POLR3B: variants seen among roughly 807,000 people sequenced by gnomAD.
POLR3B encodes DNA-directed RNA polymerase III subunit RPC2.
A neutral mutation model predicts 147.4 loss-of-function variants in POLR3B; 96 were observed. That is an observed-to-expected ratio of 0.65 (90% confidence interval 0.55 to 0.77). The LOEUF (loss-of-function observed/expected upper bound fraction) is 0.77. POLR3B is among the 30% of genes least tolerant of loss of function. The probability of loss-of-function intolerance (pLI) is 0.00; values close to 1 mark genes in which losing one functional copy is unlikely to be tolerated. For synonymous variants in POLR3B, 461 were observed against 485.9 expected (o/e 0.95, Z 0.67); for missense variants, 1,036 against 1,413.5 (o/e 0.73, Z 4.28).
At chr12:106,452,572 G>A (rs934074602) in intron 19 of POLR3B, among the ~76,000 whole-genome samples, 2 of 152,098 alleles carry the variant, frequency 1.3e-5, no homozygotes, top group African/African-American at 2.4e-5. Flanking sequence ...GCTGAGTAAG[G>A]TATACAATTG....
chr12:106,389,265 C>T (rs2036882630), intron 9 of POLR3B, among the ~76,000 whole-genome samples: 1 of 152,134 alleles, frequency 6.6e-6, no homozygotes, highest in Non-Finnish European at 1.5e-5. Context: ...ACTGAGTTAT[C>T]GCCCCTGTAT....
intron 25 of POLR3B, among the ~76,000 whole-genome samples, chr12:106,499,486 A>G (rs1253831261): frequency 6.6e-6 from 1 of 152,202 alleles, no homozygotes; most frequent in Non-Finnish European, 1.5e-5. Flanking sequence ...ATTTAAATAT[A>G]TCACCACCAG....
intron 10 of POLR3B, among the ~76,000 whole-genome samples, chr12:106,402,170 A>G (rs944586438): frequency 6.6e-6 from 1 of 152,154 alleles, no homozygotes; most frequent in Non-Finnish European, 1.5e-5. Flanking sequence ...CACCAATAAC[A>G]GACAAACAGA....
chr12:106,434,005 A>G, intron 16 of POLR3B, 133 bp downstream of exon 16: 1 of 742,608 alleles, frequency 1.3e-6, no homozygotes, highest in Non-Finnish European at 2.2e-6. Flanking sequence ...TTCCGTGAGC[A>G]AACACTTCAT....
intron 23 of POLR3B, among the ~76,000 whole-genome samples, chr12:106,482,657 T>C (rs1365494372): frequency 6.6e-6 from 1 of 152,112 alleles, no homozygotes; most frequent in Non-Finnish European, 1.5e-5. Flanking sequence ...TGACACGAGA[T>C]TTGGGTGGGG....
rs1319955334 is a variant in POLR3B at position 106,369,275 on chromosome 12, A to G, written c.228A>G (p.Lys76=). ...TSDADPMWYL[K]YLNIYVGLPD... ...CATACCGCACTAATTTGCTTTTCAG[A>G]TATCTTAATATCTATGTTGGGCTTC... Residue 76 remains lysine, a splice_region_variant and synonymous_variant, in exon 5 of 28, where the codon AAA becomes AAG. Transcript: ENST00000228347. 1.3e-6 allele frequency: 2 copies of G among 1,561,664 alleles called. No homozygotes were observed. The highest frequency in any genetic ancestry group is 1.8e-6 in the Non-Finnish European group (2 of 1,132,226).
intron 23 of POLR3B, among the ~76,000 whole-genome samples, chr12:106,476,740 G>A (rs1352315561): frequency 1.3e-5 from 2 of 151,404 alleles, no homozygotes; most frequent in East Asian, 3.9e-4. Flanking sequence ...GCACTTCTCT[G>A]TATTGGTTAT....
At chr12:106,411,700 CGCTGATTG>C (rs2136938145) in intron 12 of POLR3B, among the ~76,000 whole-genome samples, 1 of 152,140 alleles carries the variant, frequency 6.6e-6, no homozygotes, top group South Asian at 2.1e-4. Context: ...GGAAACAATC[CGCTGATTG>C]TTTTGGTGAC....
intron 6 of POLR3B, among the ~76,000 whole-genome samples, chr12:106,374,182 A>G (rs1036399032): frequency 1.3e-5 from 2 of 152,136 alleles, no homozygotes; most frequent in Non-Finnish European, 2.9e-5. Flanking sequence ...TTTGACTTAC[A>G]TGCTTTTGTT....
intron 25 of POLR3B, among the ~76,000 whole-genome samples, chr12:106,499,451 T>G (rs1460442483): frequency 6.6e-6 from 1 of 152,222 alleles, no homozygotes; most frequent in Non-Finnish European, 1.5e-5. Context: ...TGAGAAGCAC[T>G]GTTTAGTTGA....
Position 106,368,987 on chromosome 12 carries a change from A to G in POLR3B, c.228-288A>G, listed in dbSNP as rs2244958. On this transcript the variant is annotated intron_variant, in intron 4 of 27. Transcript: ENST00000228347. ...TGATAGCATATCATCAGTACTCTTT[A>G]CACTTTGCTCTTTCATTAAGTATCA... Among the ~76,000 whole-genome samples the G allele has an allele frequency of 0.6, 91,450 of 151,686 alleles. 27,808 individuals carry two copies. The highest frequency in any genetic ancestry group is 0.77 in the East Asian group (3,974 of 5,174).
At chr12:106,379,430 T>C (rs776021220) in intron 8 of POLR3B, among the ~76,000 whole-genome samples, 2 of 152,206 alleles carry the variant, frequency 1.3e-5, no homozygotes, top group Non-Finnish European at 2.9e-5. Context: ...ATGTAGAAGA[T>C]TAGAGCTAAT....
chr12:106,421,558 T>A (rs1565891292), intron 12 of POLR3B, among the ~76,000 whole-genome samples: 1 of 152,164 alleles, frequency 6.6e-6, no homozygotes, highest in African/African-American at 2.4e-5. Context: ...CTATTCCTGT[T>A]TTCTTTGCAA....
chr12:106,476,008 T>C (rs1480161546), intron 23 of POLR3B, among the ~76,000 whole-genome samples: 1 of 151,420 alleles, frequency 6.6e-6, no homozygotes, highest in East Asian at 1.9e-4. Flanking sequence ...CTGGTACCGG[T>C]TGTTCCTTTC....
At chr12:106,420,830 G>A (rs1053878548) in intron 12 of POLR3B, among the ~76,000 whole-genome samples, 5 of 151,914 alleles carry the variant, frequency 3.3e-5, no homozygotes, top group South Asian at 2.1e-4. Flanking sequence ...CAACCTCAAG[G>A]CCACTACTCA....
intron 21 of POLR3B, 64 bp from the exon 22 acceptor site, chr12:106,459,185 AGT>A: frequency 1.1e-6 from 1 of 917,222 alleles, no homozygotes; most frequent in Non-Finnish European, 1.8e-6. Flanking sequence ...ATCTTTGCCT[AGT>A]TCGTAATCTT....
chr12:106,357,827 C>G lies in POLR3B; in HGVS notation c.-53C>G. ...CGGGAGTCTTGCAGTTTGCTTGGTG[C>G]AGGGAAGGCGGGCGCGGAGGTTCTA... On this transcript the variant is annotated 5_prime_UTR_variant, in exon 1 of 28. Transcript: ENST00000228347. The G allele has an allele frequency of 6.4e-7, 1 of 1,557,866 alleles. No individual in the cohort carries two copies. Among genetic ancestry groups the G allele is most frequent in the Non-Finnish European group, 8.8e-7 (1 of 1,138,456 alleles).
intron 23 of POLR3B, among the ~76,000 whole-genome samples, chr12:106,490,691 T>G: frequency 6.6e-6 from 1 of 152,048 alleles, no homozygotes; most frequent in Admixed American, 6.6e-5. Flanking sequence ...ATTCGATAGC[T>G]GGAAAAGGGG....
intron 12 of POLR3B, among the ~76,000 whole-genome samples, chr12:106,422,291 C>T (rs2037383275): frequency 6.6e-6 from 1 of 152,136 alleles, no homozygotes. Context: ...CCCTCTTCTT[C>T]CTGCTCTGGC....
Sources: allele counts gnomAD v4.1 joint callset (sites outside exome capture counted in the v4.1 genomes callset), GRCh38; gene constraint gnomAD v4.1.1; transcripts MANE v1.5; gene names NCBI Gene and HGNC (gene_info 2026-07-23, HGNC 2026-07-21).